The following SYTL2 variants were observed in gnomAD, a reference collection of about 807,000 sequenced individuals.
SYTL2 encodes the protein synaptotagmin like 2, also known as synaptotagmin-like protein 2.
A neutral mutation model predicts 198.7 loss-of-function variants in SYTL2; 165 were observed. The ratio of observed to expected loss-of-function variants is 0.83; its 90% CI spans 0.73 to 0.94. The LOEUF is 0.94. SYTL2 is among the 40% of genes least tolerant of loss of function. SYTL2 has a pLI of 0.00. For synonymous variants in SYTL2, 966 were observed against 917.7 expected (o/e 1.05, Z -0.95); for missense variants, 2,835 against 2,582.8 (o/e 1.10, Z -2.12).
chr11:85,766,816 T>G (rs528046848), intron 1 of SYTL2, among the ~76,000 whole-genome samples: 3 of 152,218 alleles, frequency 2.0e-5, no homozygotes, highest in African/African-American at 7.2e-5. Flanking sequence ...GGATTTAATG[T>G]ACTCTTGGGG....
At chr11:85,721,751 T>C (rs955020879) in intron 8 of SYTL2, among the ~76,000 whole-genome samples, 4 of 152,192 alleles carry the variant, frequency 2.6e-5, no homozygotes, top group African/African-American at 9.6e-5. Flanking sequence ...TTTCCTGAAA[T>C]ACATTCCAGT....
At chr11:85,713,691 C>A (rs770330344) in intron 12 of SYTL2, among the ~76,000 whole-genome samples, 3 of 152,156 alleles carry the variant, frequency 2.0e-5, no homozygotes, top group Non-Finnish European at 4.4e-5. Context: ...ATAGTCCTTA[C>A]CACATATAGT....
At chr11:85,831,116 C>G in the SYTL2 span, among the ~76,000 whole-genome samples, 1 of 152,138 alleles carries the variant, frequency 6.6e-6, no homozygotes, top group Non-Finnish European at 1.5e-5. Flanking sequence ...GCTGCCTTAA[C>G]AATAGCAGAA....
intron 1 of SYTL2, among the ~76,000 whole-genome samples, chr11:85,774,510 G>C (rs1038887871): frequency 2.0e-5 from 3 of 152,168 alleles, no homozygotes; most frequent in Admixed American, 6.5e-5. Flanking sequence ...AGGCAAACAG[G>C]AGCTGGGGTT....
chr11:85,833,011 AAAAGAAAGAAAGAAAGAAAGAAAGAAAG>A, the SYTL2 span, among the ~76,000 whole-genome samples: 343 of 48,130 alleles, frequency 7.1e-3, 10 homozygotes, highest in African/African-American at 0.011. Context: ...AAAAAGAAAG[AAAAGAAAGAAAGAAAGAAAGAAAGAAAG>A]AAAGAAAGAA....
At position 85,720,879 on chromosome 11, in the gene SYTL2, C is replaced by G; in HGVS notation, c.5407G>C (p.Asp1803His). 1 of 1,612,834 alleles carries G rather than the reference C, an allele frequency of 6.2e-7. No individual in the cohort carries two copies. The highest frequency in any genetic ancestry group is 8.5e-7 in the Non-Finnish European group (1 of 1,178,976). Residue 1803 changes from aspartate (D) to histidine (H), a missense_variant, in exon 9 of 20, where the codon GAC becomes CAC. By Grantham distance (81) the Asp-to-His change is moderately conservative. Coordinates refer to ENST00000359152, the MANE Select transcript of SYTL2 (RefSeq NM_206927.4). ...TCACTTGATGAATCTGATGAAATGT[C>G]TTCTAGACTTTTGGAAGGCATTTTC... ...ARKMPSKSLE[D>H]ISSDSSNQAK... is the part of the protein sequence containing the mutation.
chr11:85,714,374 C>A (rs1450594409), intron 12 of SYTL2, 39 bp downstream of exon 12: 2 of 1,514,304 alleles, frequency 1.3e-6, no homozygotes, highest in Admixed American at 1.7e-5. Context: ...TTCCAACCCT[C>A]TGTCTCCATT....
chr11:85,803,430 G>GCTC, intron 1 of SYTL2, among the ~76,000 whole-genome samples: 1 of 152,260 alleles, frequency 6.6e-6, no homozygotes, highest in Admixed American at 6.5e-5. Flanking sequence ...CTAGTCCTGG[G>GCTC]TGGTGCTGCT....
At chr11:85,736,046 T>C (rs2090314494) in intron 6 of SYTL2, among the ~76,000 whole-genome samples, 1 of 152,244 alleles carries the variant, frequency 6.6e-6, no homozygotes, top group African/African-American at 2.4e-5. Context: ...TTACATCAAT[T>C]GAGCCACAAA....
At chr11:85,853,656 A>AT in the SYTL2 span, 9 of 134,332 alleles carry the variant, frequency 6.7e-5, no homozygotes, top group African/African-American at 1.1e-4. Flanking sequence ...AGAATGATCA[A>AT]TAAAAAAAAA....
chr11:85,778,448 G>T (rs1471064257), intron 1 of SYTL2, among the ~76,000 whole-genome samples: 1 of 152,218 alleles, frequency 6.6e-6, no homozygotes, highest in African/African-American at 2.4e-5. Flanking sequence ...ACAGTACCCG[G>T]TACTAATTGC....
the SYTL2 span, among the ~76,000 whole-genome samples, chr11:85,817,579 T>C: frequency 6.6e-6 from 1 of 152,266 alleles, no homozygotes; most frequent in Non-Finnish European, 1.5e-5. Context: ...TATATTTCTT[T>C]TGTAAAGGCC....
chr11:85,808,411 A>G (rs1227471082), intron 1 of SYTL2, among the ~76,000 whole-genome samples: 1 of 152,056 alleles, frequency 6.6e-6, no homozygotes, highest in Non-Finnish European at 1.5e-5. Flanking sequence ...TTTTTCTACA[A>G]TGAATATGTT....
Position 85,773,568 on chromosome 11 carries a change from C to G in SYTL2, c.-389-15454G>C, listed in dbSNP as rs145963105. On this transcript the variant is annotated intron_variant, in intron 1 of 19. Coordinates refer to ENST00000359152, the MANE Select transcript of SYTL2 (RefSeq NM_206927.4). ...TATAGCAACTGTCTGTTTCCTTATC[C>G]GTCTCCTTTATCAGCCTGAGCTCTC... is the stretch of plus-strand genomic sequence containing the variant. 4.7e-3 allele frequency among the ~76,000 whole-genome samples: 719 copies of G among 152,096 alleles called. 8 individuals are homozygous for G. The highest frequency in any genetic ancestry group is 0.015 in the African/African-American group (633 of 41,484).
intron 2 of SYTL2, among the ~76,000 whole-genome samples, chr11:85,753,237 G>A (rs2091652429): frequency 6.6e-6 from 1 of 152,138 alleles, no homozygotes; most frequent in South Asian, 2.1e-4. Flanking sequence ...GTGGGTCAGG[G>A]CAGCAGGAGA....
chr11:85,789,380 A>ATATATATATATATATATATATATG (rs2092696804), intron 1 of SYTL2, among the ~76,000 whole-genome samples: 3 of 72,284 alleles, frequency 4.2e-5, no homozygotes, highest in Non-Finnish European at 8.4e-5. Context: ...ATATATATGT[A>ATATATATATATATATATATATATG]TATATATATA....
chr11:85,712,727 T>A (rs1347230902), intron 12 of SYTL2, among the ~76,000 whole-genome samples: 2 of 146,808 alleles, frequency 1.4e-5, no homozygotes, highest in African/African-American at 5.0e-5. Context: ...CACACACACT[T>A]TTTTTTTCAA....
At chr11:85,696,466 C>T (rs2083425512) in intron 18 of SYTL2, 78 bp from the exon 19 acceptor site, 2 of 1,176,480 alleles carry the variant, frequency 1.7e-6, no homozygotes, top group East Asian at 2.3e-5. Context: ...AACAACACAG[C>T]TATTAAAGAT....
At chr11:85,732,460 G>C (rs1314372546) in intron 7 of SYTL2, among the ~76,000 whole-genome samples, 1 of 152,154 alleles carries the variant, frequency 6.6e-6, no homozygotes, top group Non-Finnish European at 1.5e-5. Context: ...GATGAAGCTG[G>C]AAACCATCAT....
Sources: gnomAD v4.1 joint callset for allele counts (sites outside exome capture counted in the v4.1 genomes callset) on GRCh38, gnomAD v4.1.1 for gene constraint, MANE v1.5 for transcripts, NCBI Gene and HGNC (gene_info 2026-07-23, HGNC 2026-07-21) for gene names.